STK3: variants seen among roughly 807,000 people sequenced by gnomAD.
STK3 encodes the protein serine/threonine kinase 3.
In STK3, 41 loss-of-function variants were observed where a neutral mutation model predicts 58.0. That is an observed-to-expected ratio of 0.71 (90% CI 0.55 to 0.92). The LOEUF is 0.92. Ranked by LOEUF, STK3 falls within the 40% of genes least tolerant of loss-of-function variation. The pLI is 0.00. For synonymous variants in STK3, 170 were observed against 191.0 expected (o/e 0.89, Z 0.91); for missense variants, 479 against 602.7 (o/e 0.79, Z 2.15).
chr8:98,623,664 G>A (rs755516810), intron 6 of STK3, among the ~76,000 whole-genome samples: 12 of 152,158 alleles, frequency 7.9e-5, no homozygotes, highest in Non-Finnish European at 1.8e-4. Context: ...TGCACCTGTA[G>A]TCCCAGCTAC....
chr8:98,810,564 T>C (rs1445906934), intron 1 of STK3, among the ~76,000 whole-genome samples: 2 of 133,554 alleles, frequency 1.5e-5, no homozygotes, highest in East Asian at 2.2e-4. Flanking sequence ...GGCCAATGTA[T>C]ACATTTTCTT....
intron 4 of STK3, among the ~76,000 whole-genome samples, chr8:98,735,278 A>G (rs1029283758): frequency 6.6e-6 from 1 of 152,110 alleles, no homozygotes; most frequent in Admixed American, 6.5e-5. Context: ...TTCAAGATTA[A>G]TATATTAAAA....
chr8:98,740,284 C>T (rs2131304460), intron 4 of STK3, among the ~76,000 whole-genome samples: 1 of 152,106 alleles, frequency 6.6e-6, no homozygotes, highest in South Asian at 2.1e-4. Flanking sequence ...CTCCAAGACA[C>T]ATAATTGTCA....
chr8:98,559,146 TTGA>T (rs779379191), intron 8 of STK3, among the ~76,000 whole-genome samples: 2 of 152,178 alleles, frequency 1.3e-5, no homozygotes, highest in Non-Finnish European at 2.9e-5. Context: ...ACATTCTGTG[TTGA>T]TGATTTTGTG....
In STK3 at chr8:98,896,846, G is replaced by A. The variant is rs977255485; in HGVS notation, c.-78-13012C>T. Among the ~76,000 whole-genome samples, 6 of 152,096 alleles carry A rather than the reference G, an allele frequency of 3.9e-5. No individual in the cohort carries two copies. The East Asian group carries it at 5.8e-4, about 15-fold the overall frequency. On this transcript the variant is annotated intron_variant, in intron 1 of 1. Transcript: ENST00000519420. ...ATACAAAAATTAGCTGGGTGTGGTC[G>A]CTCATGCCTGTAATCCTAGCTACTC...
intron 8 of STK3, among the ~76,000 whole-genome samples, chr8:98,557,809 C>T (rs1452342470): frequency 1.3e-5 from 2 of 152,076 alleles, no homozygotes; most frequent in Non-Finnish European, 2.9e-5. Context: ...CTTCATGGAT[C>T]CTAACTTTTT....
intron 1 of STK3, among the ~76,000 whole-genome samples, chr8:98,819,797 G>A (rs1056606654): frequency 6.6e-6 from 1 of 152,014 alleles, no homozygotes; most frequent in African/African-American, 2.4e-5. Flanking sequence ...AACATTCCAA[G>A]GAAACATAAA....
intron 6 of STK3, among the ~76,000 whole-genome samples, chr8:98,682,263 A>G (rs1406196447): frequency 6.6e-6 from 1 of 152,248 alleles, no homozygotes; most frequent in African/African-American, 2.4e-5. Context: ...AAAACCATGG[A>G]TATCAAATGA....
intron 1 of STK3, among the ~76,000 whole-genome samples, chr8:98,443,470 T>A (rs1818774213): frequency 6.6e-6 from 1 of 152,148 alleles, no homozygotes; most frequent in African/African-American, 2.4e-5. Flanking sequence ...AGTGGCAACA[T>A]AGTGATGAGC....
intron 3 of STK3, among the ~76,000 whole-genome samples, chr8:98,395,626 A>T (rs944627244): frequency 1.1e-4 from 16 of 152,242 alleles, no homozygotes; most frequent in African/African-American, 3.4e-4. Flanking sequence ...TTGAGACACA[A>T]TCCCTGACAG....
intron 9 of STK3, among the ~76,000 whole-genome samples, chr8:98,541,334 G>C (rs1810253460): frequency 6.6e-6 from 1 of 152,058 alleles, no homozygotes; most frequent in African/African-American, 2.4e-5. Context: ...AGTTCTCACA[G>C]GATCTGGTTG....
chr8:98,505,979 G>A (rs926922544), intron 10 of STK3, among the ~76,000 whole-genome samples: 1 of 152,222 alleles, frequency 6.6e-6, no homozygotes, highest in Admixed American at 6.5e-5. Flanking sequence ...GCTGCCTTTT[G>A]TTCAGCTATG....
intron 1 of STK3, among the ~76,000 whole-genome samples, chr8:98,793,310 C>T (rs960543676): frequency 1.2e-4 from 19 of 152,016 alleles, no homozygotes; most frequent in Non-Finnish European, 2.5e-4. Context: ...ACCACCTGTT[C>T]CCCAATAACT....
At chr8:98,548,437 T>C (rs180895866) in intron 8 of STK3, among the ~76,000 whole-genome samples, 1 of 152,072 alleles carries the variant, frequency 6.6e-6, no homozygotes, top group African/African-American at 2.4e-5. Context: ...AGGTAAACTA[T>C]CAGCAAATGC....
chr8:98,798,364 T>C (rs1276504502), intron 1 of STK3, among the ~76,000 whole-genome samples: 2 of 152,228 alleles, frequency 1.3e-5, no homozygotes, highest in Non-Finnish European at 2.9e-5. Context: ...CACAATATAA[T>C]GTACAGAGTT....
Position 98,378,179 on chromosome 8 carries a change from C to A in STK3, n.111+974G>T, listed in dbSNP as rs1044364433. Among the ~76,000 whole-genome samples the A allele has an allele frequency of 2.6e-5, 4 of 152,272 alleles. No individual in the cohort carries two copies. The South Asian group carries it at 8.3e-4, about 32-fold the overall frequency. On this transcript the variant is annotated intron_variant and non_coding_transcript_variant, in intron 2 of 2. Coordinates refer to the STK3 transcript ENST00000518704. ...AGATGGCAAGAGGTTACGGGGGAAC[C>A]GAGGAACTGACCCCACAGCCCCATT...
chr8:98,874,359 C>G (rs1243972932), intron 3 of STK3, among the ~76,000 whole-genome samples: 2 of 152,104 alleles, frequency 1.3e-5, no homozygotes, highest in Non-Finnish European at 2.9e-5. Context: ...TTGTGGCATT[C>G]TCTGTATTTC....
At chr8:98,749,170 T>A (rs1032582862) in intron 4 of STK3, 106 bp downstream of exon 4, 1 of 824,766 alleles carries the variant, frequency 1.2e-6, no homozygotes, top group African/African-American at 1.7e-5. Flanking sequence ...TAAAACCTTT[T>A]CTTTTTTCAT....
intron 3 of STK3, among the ~76,000 whole-genome samples, chr8:98,849,721 C>A (rs148047664): frequency 6.6e-6 from 1 of 152,088 alleles, no homozygotes; most frequent in Non-Finnish European, 1.5e-5. Flanking sequence ...ATTTCAGATA[C>A]CAAAAGAGAT....
Sources: allele counts gnomAD v4.1 joint callset (sites outside exome capture counted in the v4.1 genomes callset), GRCh38; gene constraint gnomAD v4.1.1; transcripts MANE v1.5; gene names NCBI Gene and HGNC (gene_info 2026-07-23, HGNC 2026-07-21).